CERS6: variants seen among roughly 807,000 people sequenced by gnomAD.
CERS6 encodes the protein ceramide synthase 6.
In CERS6, 26 loss-of-function variants were observed where a neutral mutation model predicts 56.8. The ratio of observed to expected loss-of-function variants is 0.46; its 90% CI spans 0.34 to 0.63. The LOEUF (loss-of-function observed/expected upper bound fraction) is 0.63. Among genes scored for constraint, CERS6 ranks in the 30% least tolerant of loss-of-function variants. The probability of loss-of-function intolerance (pLI) is 0.01; values close to 1 mark genes in which losing one functional copy is unlikely to be tolerated. For missense variants in CERS6, 415 were observed against 467.5 expected (o/e 0.89, Z 1.04); for synonymous variants, 164 against 173.3 (o/e 0.95, Z 0.42).
At chr2:168,496,129 A>G (rs992210698) in intron 1 of CERS6, among the ~76,000 whole-genome samples, 2 of 152,194 alleles carry the variant, frequency 1.3e-5, no homozygotes, top group East Asian at 1.9e-4. Context: ...GCACACAGAC[A>G]TGTGCCACAT....
intron 4 of CERS6, among the ~76,000 whole-genome samples, chr2:168,685,772 A>G (rs1457670600): frequency 6.6e-6 from 1 of 152,052 alleles, no homozygotes; most frequent in Non-Finnish European, 1.5e-5. Context: ...GAACAGCCAC[A>G]GATGCCTCCC....
intron 3 of CERS6, among the ~76,000 whole-genome samples, chr2:168,596,145 T>A (rs990643428): frequency 9.2e-5 from 14 of 152,038 alleles, no homozygotes; most frequent in African/African-American, 3.4e-4. Context: ...AATATTTGTT[T>A]GTAAATGTTT....
intron 3 of CERS6, among the ~76,000 whole-genome samples, chr2:168,615,423 A>G (rs1382765008): frequency 6.6e-6 from 1 of 152,106 alleles, no homozygotes; most frequent in African/African-American, 2.4e-5. Flanking sequence ...CTAATCAAGG[A>G]GGCACCAGAG....
At chr2:168,576,736 A>G (rs926700642) in intron 3 of CERS6, among the ~76,000 whole-genome samples, 6 of 151,908 alleles carry the variant, frequency 3.9e-5, no homozygotes, top group African/African-American at 1.4e-4. Context: ...ACACACACCT[A>G]TACACACATA....
chr2:168,725,459 C>G (rs908926079), intron 8 of CERS6, among the ~76,000 whole-genome samples: 6 of 152,270 alleles, frequency 3.9e-5, no homozygotes, highest in Admixed American at 3.3e-4. Context: ...GCTGTCACCT[C>G]TCACTAACAC....
chr2:168,625,532 T>A (rs1684571439), intron 3 of CERS6, among the ~76,000 whole-genome samples: 1 of 152,180 alleles, frequency 6.6e-6, no homozygotes, highest in Non-Finnish European at 1.5e-5. Flanking sequence ...CTGTTTGTGG[T>A]CAGAAATGCA....
At chr2:168,535,546 G>A (rs912261596) in intron 1 of CERS6, among the ~76,000 whole-genome samples, 2 of 152,000 alleles carry the variant, frequency 1.3e-5, no homozygotes, top group Admixed American at 6.6e-5. Flanking sequence ...ATGAGAGAAC[G>A]TGGATACCTT....
At chr2:168,756,614 TTG>T (rs966478612) in intron 8 of CERS6, among the ~76,000 whole-genome samples, 3 of 152,182 alleles carry the variant, frequency 2.0e-5, no homozygotes, top group African/African-American at 7.2e-5. Context: ...GGATAACACA[TTG>T]CAGGGAATTA....
At chr2:168,599,445 A>G (rs1470420710) in intron 3 of CERS6, among the ~76,000 whole-genome samples, 2 of 152,314 alleles carry the variant, frequency 1.3e-5, no homozygotes, top group Middle Eastern at 3.4e-3. Context: ...CCAAAATAAG[A>G]ATGCAGGTAC....
At position 168,717,979 on chromosome 2, in the gene CERS6, G is replaced by T; in HGVS notation, c.845+1G>T. ...CACGACTGGGTATATTTCCTCTCTG[G>T]TGAGTATGCCAGTCTCCTTCCTGAT... On this transcript the variant is annotated splice_donor_variant, in intron 8 of 9. Coordinates refer to ENST00000305747, the MANE Select transcript of CERS6 (RefSeq NM_203463.3). LOFTEE classifies it high-confidence loss of function. 6.2e-7 allele frequency: 1 copy of T among 1,601,716 alleles called. No individual in the cohort carries two copies.
In CERS6 at chr2:168,492,258, C is replaced by T. The variant is rs543191857; in HGVS notation, c.170+35640C>T. On this transcript the variant is annotated intron_variant, in intron 1 of 9. Coordinates refer to ENST00000305747, the MANE Select transcript of CERS6 (RefSeq NM_203463.3). ...CCAACAGCGTAAAAGCATTCCTATT[C>T]GTCCACATCCTCTCCAGCATCTGTC... Among the ~76,000 whole-genome samples the T allele has an allele frequency of 3.9e-4, 59 of 152,250 alleles. 2 individuals are homozygous for T. The South Asian group carries it at 0.012, about 30-fold the overall frequency.
chr2:168,699,272 C>T (rs73028456), intron 6 of CERS6, among the ~76,000 whole-genome samples: 8,763 of 152,258 alleles, frequency 0.058, 853 homozygotes, highest in African/African-American at 0.2. Flanking sequence ...CCTCTAAAAA[C>T]AGCCTGCTTC....
chr2:168,573,900 G>C (rs1475216046), intron 3 of CERS6, among the ~76,000 whole-genome samples: 3 of 152,124 alleles, frequency 2.0e-5, no homozygotes, highest in African/African-American at 7.2e-5. Context: ...CTCAGTGTAT[G>C]AGGAATGTAG....
At chr2:168,466,925 C>A (rs746647917) in intron 1 of CERS6, among the ~76,000 whole-genome samples, 11 of 152,182 alleles carry the variant, frequency 7.2e-5, no homozygotes, top group Admixed American at 5.9e-4. Flanking sequence ...GTTTGTAACT[C>A]GCCATTGTCT....
intron 1 of CERS6, among the ~76,000 whole-genome samples, chr2:168,539,290 T>C (rs1558989579): frequency 1.3e-5 from 2 of 152,206 alleles, no homozygotes; most frequent in Admixed American, 1.3e-4. Context: ...ATTAATAGAT[T>C]ATGTTATGAT....
intron 1 of CERS6, among the ~76,000 whole-genome samples, chr2:168,508,609 G>A (rs1323769954): frequency 6.6e-6 from 1 of 151,802 alleles, no homozygotes; most frequent in Non-Finnish European, 1.5e-5. Flanking sequence ...ACTAACACAG[G>A]AACAGAAAAC....
chr2:168,765,839 C>A, intron 9 of CERS6, 91 bp downstream of exon 9: 1 of 1,163,846 alleles, frequency 8.6e-7, no homozygotes. Context: ...CATATTTCAT[C>A]AAAATTGGTA....
intron 4 of CERS6, among the ~76,000 whole-genome samples, chr2:168,632,770 A>C (rs1053116347): frequency 2.0e-5 from 3 of 152,176 alleles, no homozygotes. Context: ...GGTGTGCTTC[A>C]TGGGAAGGTC....
chr2:168,528,532 AGAT>A (rs1249508537), intron 1 of CERS6, among the ~76,000 whole-genome samples: 11 of 152,232 alleles, frequency 7.2e-5, no homozygotes, highest in Non-Finnish European at 1.6e-4. Flanking sequence ...TTTCCTGACT[AGAT>A]CCTGACCAAT....
Sources: allele counts gnomAD v4.1 joint callset (sites outside exome capture counted in the v4.1 genomes callset), GRCh38; gene constraint gnomAD v4.1.1; transcripts MANE v1.5; gene names NCBI Gene and HGNC (gene_info 2026-07-23, HGNC 2026-07-21).